The following ARL6 variants were observed in gnomAD, a reference collection of about 807,000 sequenced individuals.
ARL6 encodes ADP-ribosylation factor-like protein 6.
In ARL6, 18 loss-of-function variants were observed where a neutral mutation model predicts 27.1. The observed-to-expected ratio is 0.66, with a 90% confidence interval of 0.46 to 0.98. ARL6 has a LOEUF of 0.98. Ranked by LOEUF, ARL6 falls within the 50% of genes least tolerant of loss-of-function variation. The probability of loss-of-function intolerance (pLI) is 0.00; values close to 1 mark genes in which losing one functional copy is unlikely to be tolerated. For synonymous variants in ARL6, 65 were observed against 72.3 expected (o/e 0.90, Z 0.51); for missense variants, 187 against 214.9 (o/e 0.87, Z 0.81).
At chr3:97,784,212 G>C (rs1016219470) in intron 4 of ARL6, among the ~76,000 whole-genome samples, 24 of 151,858 alleles carry the variant, frequency 1.6e-4, no homozygotes, top group African/African-American at 5.3e-4. Flanking sequence ...ACCATTAAAA[G>C]AAGATAGTGC....
At chr3:97,791,043 T>C (rs912430317) in intron 6 of ARL6, among the ~76,000 whole-genome samples, 3 of 152,154 alleles carry the variant, frequency 2.0e-5, no homozygotes, top group Admixed American at 6.5e-5. Flanking sequence ...TTAATTTATA[T>C]ACTTAATTAT....
rs752322952 is a variant in ARL6 at position 97,780,172 on chromosome 3, A to G, written c.137A>G (p.Asn46Ser). ...TTTCTCTTAAAGGCTCAATCTCAAA[A>G]TATCCTTCCAACAATAGGATTCAGC... ...KLKPSNAQSQ[N>S]ILPTIGFSIE... Residue 46 changes from asparagine (N) to serine (S), a missense_variant, in exon 3 of 8, where the codon AAT becomes AGT. Physicochemically the swap from Asn to Ser is conservative, Grantham distance 46. Transcript: ENST00000463745. 6.2e-7 allele frequency: 1 copy of G among 1,612,882 alleles called. No individual in the cohort carries two copies. The highest frequency in any genetic ancestry group is 1.7e-5 in the Admixed American group (1 of 60,018).
intron 7 of ARL6, among the ~76,000 whole-genome samples, chr3:97,794,037 A>G (rs2037873170): frequency 6.6e-6 from 1 of 152,188 alleles, no homozygotes; most frequent in South Asian, 2.1e-4. Flanking sequence ...AGTACCTAGC[A>G]TAAGAAAGCA....
intron 5 of ARL6, among the ~76,000 whole-genome samples, chr3:97,786,696 A>T (rs1295360796): frequency 6.6e-6 from 1 of 152,226 alleles, no homozygotes; most frequent in East Asian, 1.9e-4. Context: ...AAGGGAAAAT[A>T]TTTGCAACTC....
intron 7 of ARL6, among the ~76,000 whole-genome samples, chr3:97,797,051 C>T (rs1356790582): frequency 1.3e-5 from 2 of 152,076 alleles, no homozygotes; most frequent in African/African-American, 4.8e-5. Flanking sequence ...GATCATGAGA[C>T]AGGAAAACCA....
At chr3:97,780,047 C>A in intron 2 of ARL6, 112 bp from the exon 3 acceptor site, 2 of 804,812 alleles carry the variant, frequency 2.5e-6, no homozygotes, top group Non-Finnish European at 2.1e-6. Flanking sequence ...TTGTTAAATC[C>A]TATCATCTCC....
intron 2 of ARL6, among the ~76,000 whole-genome samples, chr3:97,776,626 G>A (rs964267499): frequency 6.6e-6 from 1 of 151,602 alleles, no homozygotes; most frequent in Non-Finnish European, 1.5e-5. Context: ...ACTTCATTTT[G>A]GTGATGTTAC....
At chr3:97,792,688 T>G (rs1004432489) in intron 7 of ARL6, among the ~76,000 whole-genome samples, 1 of 152,204 alleles carries the variant, frequency 6.6e-6, no homozygotes, top group Admixed American at 6.5e-5. Flanking sequence ...TAAATTAACA[T>G]ATATCATTTA....
chr3:97,796,075 C>T (rs570975523), intron 7 of ARL6, among the ~76,000 whole-genome samples: 49 of 152,164 alleles, frequency 3.2e-4, no homozygotes, highest in Non-Finnish European at 6.2e-4. Context: ...ATTTGACAAG[C>T]TTCACACACG....
rs148677500 is a variant in ARL6 at position 97,767,733 on chromosome 3, C to T, written c.-27-348C>T. Among the ~76,000 whole-genome samples, 14 of 152,254 alleles carry T rather than the reference C, an allele frequency of 9.2e-5. No individual in the cohort carries two copies. The East Asian group carries it at 9.6e-4, about 10-fold the overall frequency. ...TGTTTCAGATTTTCTGGAAAGGCTA[C>T]GGCCTAATTCTTCCATATTTTCAAG... On this transcript the variant is annotated intron_variant, in intron 1 of 7. Transcript: ENST00000463745.
At chr3:97,764,747 C>G (rs2036278918), upstream of ARL6, 1 of 152,358 alleles carries the variant, frequency 6.6e-6, no homozygotes, top group Non-Finnish European at 1.5e-5. Context: ...GCCAAGGGAA[C>G]GGTGCCTGCC....
At chr3:97,787,211 G>A (rs911820706) in intron 5 of ARL6, among the ~76,000 whole-genome samples, 1 of 152,214 alleles carries the variant, frequency 6.6e-6, no homozygotes, top group South Asian at 2.1e-4. Flanking sequence ...AAATATTCCA[G>A]AACGGTTAAA....
At chr3:97,769,343 A>G (rs1377913006) in intron 2 of ARL6, among the ~76,000 whole-genome samples, 1 of 152,042 alleles carries the variant, frequency 6.6e-6, no homozygotes, top group Non-Finnish European at 1.5e-5. Flanking sequence ...GATAGACTCT[A>G]TATACCTTTT....
intron 7 of ARL6, 35 bp from the exon 8 acceptor site, chr3:97,797,989 G>T (rs1315980497): frequency 6.2e-7 from 1 of 1,604,316 alleles, no homozygotes; most frequent in Non-Finnish European, 8.5e-7. Flanking sequence ...TTGCCCTATA[G>T]AGATTGATAA....
chr3:97,789,325 C>T (rs1266301015), intron 6 of ARL6, among the ~76,000 whole-genome samples: 1 of 151,944 alleles, frequency 6.6e-6, no homozygotes, highest in East Asian at 1.9e-4. Context: ...TGAGCTAGAG[C>T]CTTTATATTT....
chr3:97,771,114 A>G (rs1386042404), intron 2 of ARL6, among the ~76,000 whole-genome samples: 1 of 152,018 alleles, frequency 6.6e-6, no homozygotes, highest in Non-Finnish European at 1.5e-5. Context: ...GGTGGTATAG[A>G]TATTTTAACT....
At chr3:97,787,079 C>T (rs1250917724) in intron 5 of ARL6, among the ~76,000 whole-genome samples, 4 of 152,056 alleles carry the variant, frequency 2.6e-5, no homozygotes, top group Admixed American at 1.3e-4. Flanking sequence ...ACATACTGGC[C>T]GGTGTACAAA....
At chr3:97,779,626 G>A (rs1011320225) in intron 2 of ARL6, among the ~76,000 whole-genome samples, 4 of 152,060 alleles carry the variant, frequency 2.6e-5, no homozygotes, top group Non-Finnish European at 5.9e-5. Context: ...CAGCACTTTG[G>A]GAGCCCAGGG....
intron 4 of ARL6, among the ~76,000 whole-genome samples, chr3:97,781,746 T>A (rs933633329): frequency 1.3e-5 from 2 of 152,094 alleles, no homozygotes; most frequent in African/African-American, 4.8e-5. Flanking sequence ...TTCATTAGCT[T>A]CTAATATTGT....
Sources: gnomAD v4.1 joint callset for allele counts (sites outside exome capture counted in the v4.1 genomes callset) on GRCh38, gnomAD v4.1.1 for gene constraint, MANE v1.5 for transcripts, NCBI Gene and HGNC (gene_info 2026-07-23, HGNC 2026-07-21) for gene names.